DDX4: variants seen among roughly 807,000 people sequenced by gnomAD.
DDX4 encodes the protein DEAD-box helicase 4.
A neutral mutation model predicts 100.0 loss-of-function variants in DDX4; 25 were observed. The observed-to-expected ratio is 0.25, with a 90% CI of 0.18 to 0.35. The LOEUF (loss-of-function observed/expected upper bound fraction) is 0.35, where lower values mean the gene tolerates loss of function less well. Ranked by LOEUF, DDX4 falls within the 10% of genes least tolerant of loss-of-function variation. The pLI is 1.00. For missense variants in DDX4, 635 were observed against 882.4 expected, an observed-to-expected ratio of 0.72 and a Z score of 3.55; for synonymous variants, 259 against 275.7, an observed-to-expected ratio of 0.94 and a Z score of 0.60.
intron 18 of DDX4, among the ~76,000 whole-genome samples, chr5:55,811,403 A>T (rs150859536): frequency 6.6e-6 from 1 of 152,146 alleles, no homozygotes; most frequent in East Asian, 1.9e-4. Flanking sequence ...AATAATTTTC[A>T]TGATTATACT....
chr5:55,773,517 A>G (rs1741374603), intron 7 of DDX4, among the ~76,000 whole-genome samples: 1 of 152,078 alleles, frequency 6.6e-6, no homozygotes, highest in South Asian at 2.1e-4. Context: ...ACCACTCTCA[A>G]TGTTATGAGG....
chr5:55,752,404 G>C (rs953388803), intron 3 of DDX4, among the ~76,000 whole-genome samples: 8 of 142,926 alleles, frequency 5.6e-5, no homozygotes, highest in Non-Finnish European at 1.2e-4. Context: ...TCATTGTTCA[G>C]TTCCCACCTA....
chr5:55,754,676 T>C (rs1759815354), intron 3 of DDX4, among the ~76,000 whole-genome samples: 2 of 151,570 alleles, frequency 1.3e-5, no homozygotes, highest in Admixed American at 6.6e-5. Context: ...ATCAGAATGA[T>C]GCTGGCCTCA....
intron 3 of DDX4, among the ~76,000 whole-genome samples, chr5:55,755,035 G>T (rs1759837780): frequency 6.6e-6 from 1 of 151,780 alleles, no homozygotes. Flanking sequence ...TTTCAATATG[G>T]TGAGAAATAG....
intron 7 of DDX4, among the ~76,000 whole-genome samples, chr5:55,770,505 G>A (rs1250627363): frequency 6.6e-6 from 1 of 152,166 alleles, no homozygotes; most frequent in African/African-American, 2.4e-5. Context: ...ACAACAAAAC[G>A]TATGAAGAAT....
intron 18 of DDX4, among the ~76,000 whole-genome samples, chr5:55,813,266 G>C (rs1036714310): frequency 6.6e-6 from 1 of 152,070 alleles, no homozygotes; most frequent in Non-Finnish European, 1.5e-5. Flanking sequence ...AAACACCTCA[G>C]GCAATCATGG....
chr5:55,798,546 G>A lies in DDX4; in HGVS notation c.1590G>A (p.Lys530=). 6.2e-7 allele frequency: 1 copy of A among 1,608,426 alleles called. No homozygotes were observed. The highest frequency in any genetic ancestry group is 8.5e-7 in the Non-Finnish European group (1 of 1,177,160). ...LQVGQFSKRE[K]LVEILRNIGD... is the part of the protein sequence containing the mutation. ...TTGGCCAGTTCTCAAAAAGAGAAAA[G>A]CTCGTTGAAATTCTGCGAAACATAG... Residue 530 remains lysine, a synonymous_variant, in exon 18 of 22, where the codon AAG becomes AAA. Transcript: ENST00000505374.
chr5:55,801,844 G>A (rs1020714648), intron 18 of DDX4, among the ~76,000 whole-genome samples: 6 of 152,166 alleles, frequency 3.9e-5, no homozygotes, highest in Admixed American at 6.6e-5. Flanking sequence ...AGGAAACTAA[G>A]TCTCAGAAAC....
chr5:55,769,071 C>G (rs1741105861), intron 7 of DDX4, among the ~76,000 whole-genome samples: 1 of 152,056 alleles, frequency 6.6e-6, no homozygotes, highest in Admixed American at 6.6e-5. Context: ...TGTAGGTTGT[C>G]TGTTTACTCT....
intron 2 of DDX4, among the ~76,000 whole-genome samples, chr5:55,744,501 C>CA (rs1759150084): frequency 6.6e-6 from 1 of 152,176 alleles, no homozygotes; most frequent in African/African-American, 2.4e-5. Flanking sequence ...AAAAATTACT[C>CA]AAATTGTCAT....
intron 3 of DDX4, chr5:55,750,468 T>TG (rs112410213): frequency 0.073 from 11,276 of 155,062 alleles, 654 homozygotes; most frequent in African/African-American, 0.17. Context: ...GTCATCTTTA[T>TG]GGGGGGGTGC....
rs1263791702 is a variant in DDX4 at position 55,739,024 on chromosome 5, T to G, written c.61T>G (p.Phe21Val). The stretch of plus-strand genomic sequence containing the variant: ...TCATATGTCTTCCTATGTTCCCATA[T>G]TTGAGAAGGTAATAACATTTAAAGT... ...NPHMSSYVPI[F>V]EKDRYSGENG... Residue 21 changes from phenylalanine (F) to valine (V), a missense_variant, in exon 2 of 22, where the codon TTT becomes GTT. By Grantham distance (50) the Phe-to-Val change is conservative. Coordinates refer to ENST00000505374, the MANE Select transcript of DDX4 (RefSeq NM_024415.3). 1 of 1,578,490 alleles carries G rather than the reference T, an allele frequency of 6.3e-7. No homozygotes were observed. The highest frequency in any genetic ancestry group is 1.1e-5 in the South Asian group (1 of 89,842).
At chr5:55,799,269 A>G (rs933554608) in intron 18 of DDX4, among the ~76,000 whole-genome samples, 64 of 152,104 alleles carry the variant, frequency 4.2e-4, no homozygotes, top group African/African-American at 1.4e-3. Context: ...GGGTCTCACT[A>G]TTGACCAGGC....
chr5:55,798,379 C>T, intron 17 of DDX4, 47 bp from the exon 18 acceptor site: 3 of 1,590,068 alleles, frequency 1.9e-6, no homozygotes, highest in Non-Finnish European at 2.6e-6. Context: ...ATTATGGATA[C>T]TGATGGAGAG....
At chr5:55,801,215 GTT>G (rs760157665) in intron 18 of DDX4, among the ~76,000 whole-genome samples, 19 of 103,470 alleles carry the variant, frequency 1.8e-4, no homozygotes, top group Non-Finnish European at 3.2e-4. Context: ...ATGATGGGGT[GTT>G]TTTTTTTTTT....
chr5:55,784,756 A>G (rs1054200832), intron 10 of DDX4, among the ~76,000 whole-genome samples: 10 of 151,958 alleles, frequency 6.6e-5, no homozygotes, highest in Admixed American at 5.9e-4. Context: ...AGTCTCTAAT[A>G]CTCTTCTCTG....
chr5:55,803,414 A>C (rs1303423524), intron 18 of DDX4, among the ~76,000 whole-genome samples: 7 of 148,098 alleles, frequency 4.7e-5, no homozygotes, highest in Admixed American at 6.8e-5. Context: ...CATGCTGGTG[A>C]GCTGCACCCA....
At chr5:55,808,867 G>A (rs899849017) in intron 18 of DDX4, among the ~76,000 whole-genome samples, 1 of 152,220 alleles carries the variant, frequency 6.6e-6, no homozygotes, top group African/African-American at 2.4e-5. Flanking sequence ...ATTTAAGTCT[G>A]CAGAGGATTC....
intron 6 of DDX4, among the ~76,000 whole-genome samples, chr5:55,767,180 C>G (rs1207207357): frequency 6.6e-6 from 1 of 152,216 alleles, no homozygotes; most frequent in Non-Finnish European, 1.5e-5. Context: ...TGGCTCACGC[C>G]TGTAATCCCA....
Sources: gnomAD v4.1 joint callset for allele counts (sites outside exome capture counted in the v4.1 genomes callset) on GRCh38, gnomAD v4.1.1 for gene constraint, MANE v1.5 for transcripts, NCBI Gene and HGNC (gene_info 2026-07-23, HGNC 2026-07-21) for gene names.